Variants in CNTNAP2 observed in about 807,000 individuals in gnomAD.
CNTNAP2 encodes the protein contactin associated protein 2, also known as contactin-associated protein-like 2.
Under a neutral mutation model 155.2 loss-of-function variants are expected in CNTNAP2, and 98 were observed. The ratio of observed to expected loss-of-function variants is 0.63; its 90% CI spans 0.54 to 0.75. CNTNAP2 has a LOEUF of 0.75. Ranked by LOEUF, CNTNAP2 falls within the 30% of genes least tolerant of loss-of-function variation. The pLI is 0.00. For synonymous variants in CNTNAP2, 651 were observed against 631.2 expected (o/e 1.03, Z -0.47); for missense variants, 1,727 against 1,688.1 (o/e 1.02, Z -0.40).
At chr7:147,750,348 T>G (rs1334498419) in intron 13 of CNTNAP2, among the ~76,000 whole-genome samples, 1 of 152,258 alleles carries the variant, frequency 6.6e-6, no homozygotes, top group African/African-American at 2.4e-5. Context: ...TATGTCTGCA[T>G]AGAGATCCAG....
chr7:148,057,829 T>C (rs528814020), intron 15 of CNTNAP2, among the ~76,000 whole-genome samples: 1 of 152,058 alleles, frequency 6.6e-6, no homozygotes, highest in Non-Finnish European at 1.5e-5. Context: ...CTTGACTGTG[T>C]GATGGTGGAG....
chr7:146,938,261 C>A (rs576497945), intron 3 of CNTNAP2, among the ~76,000 whole-genome samples: 1 of 151,750 alleles, frequency 6.6e-6, no homozygotes, highest in Non-Finnish European at 1.5e-5. Context: ...TTCCCCTTGG[C>A]GTAATAAATT....
At chr7:146,238,609 A>C (rs73739592) in intron 1 of CNTNAP2, among the ~76,000 whole-genome samples, 4,853 of 152,308 alleles carry the variant, frequency 0.032, 246 homozygotes, top group African/African-American at 0.11. Context: ...AAGTATGGTC[A>C]TAACAGAGGG....
chr7:147,549,640 T>C (rs186324570), intron 11 of CNTNAP2, among the ~76,000 whole-genome samples: 8 of 152,306 alleles, frequency 5.3e-5, no homozygotes, highest in East Asian at 1.9e-4. Flanking sequence ...TTGACAGATA[T>C]GGTAAGACCA....
chr7:146,420,844 T>G (rs573397162), intron 1 of CNTNAP2, among the ~76,000 whole-genome samples: 1 of 152,234 alleles, frequency 6.6e-6, no homozygotes, highest in Admixed American at 6.6e-5. Flanking sequence ...GTGATGTTAG[T>G]AGCAATTTGT....
intron 13 of CNTNAP2, among the ~76,000 whole-genome samples, chr7:147,868,409 T>G (rs1799269539): frequency 6.6e-6 from 1 of 152,166 alleles, no homozygotes; most frequent in Non-Finnish European, 1.5e-5. Flanking sequence ...GTCTCCCAGT[T>G]AGGCTACACA....
At chr7:148,071,453 T>A (rs1803380679) in intron 15 of CNTNAP2, among the ~76,000 whole-genome samples, 1 of 152,174 alleles carries the variant, frequency 6.6e-6, no homozygotes, top group Non-Finnish European at 1.5e-5. Flanking sequence ...CACTCCAGCC[T>A]GGGTGACAGA....
At chr7:146,963,660 CAG>C (rs1797599030) in intron 3 of CNTNAP2, among the ~76,000 whole-genome samples, 1 of 152,024 alleles carries the variant, frequency 6.6e-6, no homozygotes, top group African/African-American at 2.4e-5. Flanking sequence ...AGATTTAAAA[CAG>C]GGCATAATAA....
intron 1 of CNTNAP2, among the ~76,000 whole-genome samples, chr7:146,264,331 A>G (rs1435587029): frequency 1.3e-5 from 2 of 152,122 alleles, no homozygotes; most frequent in Non-Finnish European, 2.9e-5. Context: ...GGGCGCCTGT[A>G]ATCCCAGCTC....
intron 1 of CNTNAP2, among the ~76,000 whole-genome samples, chr7:146,647,343 A>T (rs775229149): frequency 1.3e-5 from 2 of 148,362 alleles, no homozygotes; most frequent in Non-Finnish European, 3.0e-5. Context: ...GAGAAGAAAA[A>T]AATAATCTTA....
chr7:146,280,756 GA>G (rs1197378748), intron 1 of CNTNAP2, among the ~76,000 whole-genome samples: 3 of 152,206 alleles, frequency 2.0e-5, no homozygotes. Flanking sequence ...GGGTTGTTTG[GA>G]GGCCCAGCCA....
intron 9 of CNTNAP2, among the ~76,000 whole-genome samples, chr7:147,306,170 G>A (rs1165108581): frequency 2.4e-4 from 36 of 152,120 alleles, no homozygotes; most frequent in Admixed American, 2.3e-3. Context: ...TTAGCACATA[G>A]TAAGGTATAA....
intron 18 of CNTNAP2, among the ~76,000 whole-genome samples, chr7:148,176,180 T>C (rs900373091): frequency 2.7e-5 from 4 of 149,726 alleles, no homozygotes; most frequent in African/African-American, 9.8e-5. Context: ...TAACCTCTTA[T>C]CCAAAACCCT....
At chr7:147,550,980 T>C (rs1471905099) in intron 11 of CNTNAP2, among the ~76,000 whole-genome samples, 2 of 152,150 alleles carry the variant, frequency 1.3e-5, no homozygotes, top group African/African-American at 4.8e-5. Flanking sequence ...TCCCATAGAA[T>C]TTAAATATTC....
At chr7:148,121,074 G>A (rs1231189562) in intron 16 of CNTNAP2, among the ~76,000 whole-genome samples, 5 of 151,288 alleles carry the variant, frequency 3.3e-5, no homozygotes, top group East Asian at 1.9e-4. Context: ...TCGCTCTGTC[G>A]CCCAGGCTGG....
At chr7:147,820,605 A>G (rs991978732) in intron 13 of CNTNAP2, among the ~76,000 whole-genome samples, 2 of 152,136 alleles carry the variant, frequency 1.3e-5, no homozygotes, top group African/African-American at 4.8e-5. Context: ...GTTCATAAAA[A>G]ATATTCTCCT....
chr7:146,922,790 A>C (rs1363274101), intron 3 of CNTNAP2, among the ~76,000 whole-genome samples: 1 of 152,166 alleles, frequency 6.6e-6, no homozygotes, highest in East Asian at 1.9e-4. Flanking sequence ...CATTTAACAC[A>C]TTGCCTGGAA....
chr7:147,252,339 G>C (rs1013032313), intron 8 of CNTNAP2, among the ~76,000 whole-genome samples: 12 of 152,136 alleles, frequency 7.9e-5, no homozygotes, highest in African/African-American at 2.9e-4. Flanking sequence ...AATTGCTCAA[G>C]TGTTTTATTA....
At chr7:146,710,489 G>T (rs761067313) in intron 1 of CNTNAP2, among the ~76,000 whole-genome samples, 1 of 152,112 alleles carries the variant, frequency 6.6e-6, no homozygotes, top group Admixed American at 6.6e-5. Context: ...TACCCAATAA[G>T]TAAAATCAAC....
Sources: allele counts gnomAD v4.1 joint callset (sites outside exome capture counted in the v4.1 genomes callset), GRCh38; gene constraint gnomAD v4.1.1; transcripts MANE v1.5; gene names NCBI Gene and HGNC (gene_info 2026-07-23, HGNC 2026-07-21).